Variants in ADCK5 observed in about 807,000 individuals in gnomAD.
The protein encoded by ADCK5 is uncharacterized aarF domain-containing protein kinase 5.
Under a neutral mutation model 64.9 loss-of-function variants are expected in ADCK5, and 43 were observed. The ratio of observed to expected loss-of-function variants is 0.66; its 90% CI spans 0.52 to 0.85. The LOEUF is 0.85. ADCK5 is among the 40% of genes least tolerant of loss of function. The pLI is 0.00. For missense variants in ADCK5, 760 were observed against 810.5 expected (o/e 0.94, Z 0.76); for synonymous variants, 434 against 342.8 (o/e 1.27, Z -2.94).
rs7843675 is a variant in ADCK5 at position 144,392,695 on chromosome 8, A to G, written c.1518A>G (p.Lys506=). Residue 506 remains lysine, a splice_region_variant and synonymous_variant, in exon 13 of 15, where the codon AAA becomes AAG. Coordinates refer to ENST00000308860, the MANE Select transcript of ADCK5 (RefSeq NM_174922.5). ...TGGACCGCTACTTCCTTATGGCTAA[A>G]AGGTCGGTGGCCCGAGGAGGCGCCC... The part of the protein sequence containing the change: ...APVDRYFLMA[K]RAVRGWSRLA... 132,149 of 1,593,270 alleles carry G rather than the reference A, an allele frequency of 0.083. 8,142 individuals are homozygous for G. The highest frequency in any genetic ancestry group is 0.32 in the African/African-American group (23,952 of 74,620).
chr8:144,374,781 CAG>C (rs1819297256), intron 1 of ADCK5, among the ~76,000 whole-genome samples: 1 of 152,152 alleles, frequency 6.6e-6, no homozygotes, highest in Admixed American at 6.5e-5. Flanking sequence ...TGCGTCGTCT[CAG>C]GGGCGCGCCC....
Position 144,391,036 on chromosome 8 carries a change from C to T in ADCK5, c.523C>T (p.Leu175Phe). The change falls in exon 5 of 15, where the codon CTC (leucine) becomes TTC (phenylalanine). Residue 175 changes from leucine (L) to phenylalanine (F), a missense_variant. Physicochemically the swap from Leu to Phe is conservative, Grantham distance 22 (BLOSUM62 0). Transcript: ENST00000308860. The stretch of plus-strand genomic sequence containing the variant: ...CCTGCGCGTGCTAGAGGACAGGGCC[C>T]TCAAGCGGGGCTTCCAGGAGGTGAG... ...RTLRVLEDRA[L>F]KRGFQEVDEL... The T allele has an allele frequency of 6.2e-7, 1 of 1,612,670 alleles. No homozygotes were observed. The highest frequency in any genetic ancestry group is 8.5e-7 in the Non-Finnish European group (1 of 1,180,002).
intron 3 of ADCK5, among the ~76,000 whole-genome samples, chr8:144,386,383 G>T (rs1554859294): frequency 2.0e-5 from 3 of 147,558 alleles, no homozygotes; most frequent in African/African-American, 7.5e-5. Flanking sequence ...TTGAGATGGA[G>T]TTTCGCTCTT....
intron 3 of ADCK5, 141 bp from the exon 4 acceptor site, chr8:144,390,530 G>A (rs1762153106): frequency 4.5e-6 from 4 of 888,312 alleles, no homozygotes; most frequent in Non-Finnish European, 7.1e-6. Flanking sequence ...GCGGCTGTAG[G>A]CTGGACCCTG....
chr8:144,382,269 G>C (rs181602077), intron 2 of ADCK5, among the ~76,000 whole-genome samples: 72 of 152,202 alleles, frequency 4.7e-4, no homozygotes, highest in Middle Eastern at 3.4e-3. Flanking sequence ...GGCACCTGCC[G>C]CACTCAGGAT....
rs1820181828 is a variant in ADCK5, at chr8:144,390,749, T to C, written c.342+3T>C. On this transcript the variant is annotated splice_donor_region_variant and intron_variant, in intron 4 of 14. Coordinates refer to ENST00000308860, the MANE Select transcript of ADCK5 (RefSeq NM_174922.5). ...TTGTCCTTCGAGGGGTGGAAGAGGT[T>C]TGTCCTGGTGCCCTGGGCACACAGT... The C allele has an allele frequency of 6.2e-7, 1 of 1,613,456 alleles. No individual in the cohort carries two copies. The highest frequency in any genetic ancestry group is 1.3e-5 in the African/African-American group (1 of 74,912).
Position 144,392,854 on chromosome 8 carries a change from GGTC to G in ADCK5, c.1603_1605del (p.Val535del). On this transcript the variant is annotated inframe_deletion, in exon 14 of 15. Coordinates refer to ENST00000308860, the MANE Select transcript of ADCK5 (RefSeq NM_174922.5). Reference sequence around the variant, plus strand: ...GCACCAGCCTCCTGCGCCACGCCAAGGTCGTCTGGGAGATGCTCAAGTTTGAAG... The same window carrying G: ...GCACCAGCCTCCTGCGCCACGCCAAGGTCTGGGAGATGCTCAAGTTTGAAG... The G allele has an allele frequency of 6.3e-7, 1 of 1,598,606 alleles. No homozygotes were observed. Among genetic ancestry groups the G allele is most frequent in the Non-Finnish European group, 8.5e-7 (1 of 1,176,052 alleles).
In ADCK5 at chr8:144,376,260, T is replaced by C. The variant is rs1819360578; in HGVS notation, c.12+2153T>C. Among the ~76,000 whole-genome samples, 1 of 152,192 alleles carries C rather than the reference T, an allele frequency of 6.6e-6. No homozygotes were observed. The highest frequency in any genetic ancestry group is 2.1e-4 in the South Asian group (1 of 4,828). Reference sequence around the variant, plus strand: ...GTTGGTCTCATTCGGCAGGCATTCATTGAGTGCCTGCTTGTTCAGAGATGG... The same window carrying C: ...GTTGGTCTCATTCGGCAGGCATTCACTGAGTGCCTGCTTGTTCAGAGATGG... On this transcript the variant is annotated intron_variant, in intron 1 of 14. Coordinates refer to ENST00000308860, the MANE Select transcript of ADCK5 (RefSeq NM_174922.5). The surrounding 1 kb of genome is among the most constrained non-coding windows in gnomAD (Gnocchi z 5.1).
In ADCK5 at chr8:144,393,140, G is replaced by A. The variant is rs1275911397; in HGVS notation, c.*66G>A. 1.2e-5 allele frequency: 17 copies of A among 1,436,976 alleles called. No individual in the cohort carries two copies. The South Asian group carries it at 1.3e-4, about 11-fold the overall frequency. 89.0% of individuals were successfully genotyped at this position (1,436,976 alleles called of 1,614,324 possible). A position where few individuals can be genotyped will look rare whatever the true frequency, so the allele number is the denominator to read the frequency against. ...GGCTGACGGAGGTGGCGGGGCTAGA[G>A]GTGTAGACACCCCGAGCCCCGTGGG... On this transcript the variant is annotated 3_prime_UTR_variant, in exon 15 of 15. Transcript: ENST00000308860.
rs1554860219 is a variant in ADCK5 at position 144,390,762 on chromosome 8, C to T, written c.342+16C>T. On this transcript the variant is annotated intron_variant, in intron 4 of 14. Transcript: ENST00000308860. ...GGTGGAAGAGGTTTGTCCTGGTGCC[C>T]TGGGCACACAGTGGTGGGCATGAGG... 1.9e-6 allele frequency: 3 copies of T among 1,612,742 alleles called. No individual in the cohort carries two copies. The highest frequency in any genetic ancestry group is 2.5e-6 in the Non-Finnish European group (3 of 1,179,244).
At chr8:144,391,543 A>T (rs1264168007) in intron 7 of ADCK5, 37 bp from the exon 8 acceptor site, 1 of 1,585,322 alleles carries the variant, frequency 6.3e-7, no homozygotes, top group Non-Finnish European at 8.5e-7. Context: ...AGCAGCTGGT[A>T]GGCAGAGCTG....
Position 144,391,234 on chromosome 8 carries a change from A to C in ADCK5, c.644A>C (p.His215Pro). ...GCTGCCGCCAGCCTGGCACAGGTGCACAGAGCCAAGCTGCACGATGGCACC... is the reference window on the plus strand; with the variant it reads ...GCTGCCGCCAGCCTGGCACAGGTGCCCAGAGCCAAGCTGCACGATGGCACC... The part of the protein sequence containing the change: ...PIAAASLAQV[H>P]RAKLHDGTSV... Residue 215 changes from histidine to proline, a missense_variant, in exon 6 of 15, where the codon CAC (histidine) becomes CCC (proline). By Grantham distance (77) the His-to-Pro change is moderately conservative. Coordinates refer to ENST00000308860, the MANE Select transcript of ADCK5 (RefSeq NM_174922.5). 1 of 1,612,564 alleles carries C rather than the reference A, an allele frequency of 6.2e-7. No individual in the cohort carries two copies. The highest frequency in any genetic ancestry group is 8.5e-7 in the Non-Finnish European group (1 of 1,180,020).
chr8:144,380,864 C>G (rs369475341), intron 2 of ADCK5, among the ~76,000 whole-genome samples: 1 of 113,760 alleles, frequency 8.8e-6, no homozygotes, highest in Non-Finnish European at 1.8e-5. Context: ...AGGCACCTGC[C>G]GCACTAAGGA....
chr8:144,390,580 T>G (rs1586594013), intron 3 of ADCK5, 91 bp from the exon 4 acceptor site: 26 of 1,343,342 alleles, frequency 1.9e-5, no homozygotes, highest in South Asian at 5.0e-5. Context: ...CTGGCCGGGG[T>G]GAGGCTAGAC....
At chr8:144,390,521 C>T (rs961110717) in intron 3 of ADCK5, 150 bp from the exon 4 acceptor site, 16 of 807,784 alleles carry the variant, frequency 2.0e-5, no homozygotes, top group African/African-American at 1.0e-4. Context: ...CAGGCCTACG[C>T]GGCTGTAGGC....
chr8:144,374,227 T>G (rs1366372512), intron 1 of ADCK5, 120 bp downstream of exon 1: 8 of 968,774 alleles, frequency 8.3e-6, no homozygotes, highest in Non-Finnish European at 9.4e-6. Flanking sequence ...TCTTTTTTTT[T>G]GAGGCAGGGT....
At position 144,392,905 on chromosome 8, in the gene ADCK5, G is replaced by A. The variant is rs375914315; in HGVS notation, c.1637+13G>A. On this transcript the variant is annotated intron_variant, in intron 14 of 14. Transcript: ENST00000308860. ...AAGTGGCGCTCAGGTGAGTGGCCGCGGGGCAGGTGGGTGGCGGGGGCCTGC... is the reference window on the plus strand; with the variant it reads ...AAGTGGCGCTCAGGTGAGTGGCCGCAGGGCAGGTGGGTGGCGGGGGCCTGC... The A allele has an allele frequency of 5.3e-5, 84 of 1,598,190 alleles. No individual in the cohort carries two copies. The highest frequency in any genetic ancestry group is 6.1e-5 in the Non-Finnish European group (72 of 1,175,326).
chr8:144,383,010 G>A, intron 2 of ADCK5, 71 bp from the exon 3 acceptor site: 2 of 1,543,626 alleles, frequency 1.3e-6, no homozygotes, highest in Non-Finnish European at 1.7e-6. Flanking sequence ...TGCTGGGGGA[G>A]GTGGGGGCAG....
In ADCK5 at chr8:144,384,361, G is replaced by T. The variant is rs1554858910; in HGVS notation, c.266+1131G>T. ...GGTGCCTTCAGAGATTTCACCAGAAGTTTCACAGAAATTTCCTCCAGCAGT... is the reference window on the plus strand; with the variant it reads ...GGTGCCTTCAGAGATTTCACCAGAATTTTCACAGAAATTTCCTCCAGCAGT... On this transcript the variant is annotated intron_variant, in intron 3 of 14. Transcript: ENST00000308860. This position sits in a 1 kb window ranked among gnomAD's most constrained non-coding sequence, Gnocchi z 5.7. Among the ~76,000 whole-genome samples, 1 of 152,204 alleles carries T rather than the reference G, an allele frequency of 6.6e-6. No homozygotes were observed. Among genetic ancestry groups the T allele is most frequent in the African/African-American group, 2.4e-5 (1 of 41,454 alleles).
Sources: gnomAD v4.1 joint callset for allele counts (sites outside exome capture counted in the v4.1 genomes callset) on GRCh38, gnomAD v4.1.1 for gene constraint, Gnocchi (gnomAD v3.1) non-coding constraint, MANE v1.5 for transcripts, NCBI Gene and HGNC (gene_info 2026-07-23, HGNC 2026-07-21) for gene names.